Variants in GLIS3 observed in about 807,000 individuals in gnomAD.
GLIS3 encodes zinc finger protein GLIS3.
A neutral mutation model predicts 78.6 loss-of-function variants in GLIS3; 53 were observed. That is an observed-to-expected ratio of 0.67 (90% CI 0.54 to 0.85). The LOEUF (loss-of-function observed/expected upper bound fraction) is 0.85, where lower values mean the gene tolerates loss of function less well. Among genes scored for constraint, GLIS3 ranks in the 40% least tolerant of loss-of-function variants. The probability of loss-of-function intolerance (pLI) is 0.00; values close to 1 mark genes in which losing one functional copy is unlikely to be tolerated. For synonymous variants in GLIS3, 684 were observed against 509.9 expected (o/e 1.34, Z -4.60); for missense variants, 1,703 against 1,231.1 (o/e 1.38, Z -5.74).
At chr9:4,010,262 A>G (rs139379971) in intron 4 of GLIS3, among the ~76,000 whole-genome samples, 1 of 152,314 alleles carries the variant, frequency 6.6e-6, no homozygotes, top group Non-Finnish European at 1.5e-5. Flanking sequence ...CTTACTAGAC[A>G]TATAACCTTG....
chr9:4,369,172 G>C, the GLIS3 span, among the ~76,000 whole-genome samples: 1 of 152,040 alleles, frequency 6.6e-6, no homozygotes. Flanking sequence ...GCCAGACCTT[G>C]AGGTCCTCCC....
intron 4 of GLIS3, among the ~76,000 whole-genome samples, chr9:3,993,937 G>A (rs567019098): frequency 2.6e-5 from 4 of 152,222 alleles, no homozygotes; most frequent in African/African-American, 9.6e-5. Context: ...CTTCCTTTCT[G>A]TTCTAACCCA....
chr9:4,278,559 T>C lies in GLIS3; in HGVS notation c.388+7479A>G, dbSNP rs1227380198. ...TAATTTAAAAAAAATCCATGAGTGA[T>C]TCTGTAGTGATTCACAAAAAGAGAA... On this transcript the variant is annotated intron_variant, in intron 2 of 10. Coordinates refer to ENST00000381971, the MANE Select transcript of GLIS3 (RefSeq NM_001042413.2). Among the ~76,000 whole-genome samples the C allele has an allele frequency of 2.6e-5, 4 of 152,172 alleles. No individual in the cohort carries two copies. In the East Asian group the frequency reaches 5.8e-4, roughly 22 times the overall value.
At chr9:4,133,322 A>T (rs1268221682) in intron 2 of GLIS3, among the ~76,000 whole-genome samples, 1 of 152,220 alleles carries the variant, frequency 6.6e-6, no homozygotes, top group Non-Finnish European at 1.5e-5. Flanking sequence ...CTTATGGAAC[A>T]ATTGTTTTCC....
chr9:4,296,117 T>C (rs1816480828), intron 1 of GLIS3, among the ~76,000 whole-genome samples: 1 of 152,136 alleles, frequency 6.6e-6, no homozygotes, highest in Admixed American at 6.5e-5. Flanking sequence ...ATGAGAAATG[T>C]GCATGTGACG....
intron 4 of GLIS3, among the ~76,000 whole-genome samples, chr9:4,307,557 A>G (rs1048186391): frequency 2.0e-5 from 3 of 152,082 alleles, no homozygotes; most frequent in Non-Finnish European, 2.9e-5. Flanking sequence ...ACAAAAAAAA[A>G]TCCACATCCT....
the GLIS3 span, among the ~76,000 whole-genome samples, chr9:4,473,466 A>AAAAAAAAAAAAAAAAAG: frequency 1.3e-4 from 18 of 135,496 alleles, 5 homozygotes; most frequent in South Asian, 7.4e-4. Context: ...ACAACAAAAA[A>AAAAAAAAAAAAAAAAAG]AAAGGATCAT....
the GLIS3 span, among the ~76,000 whole-genome samples, chr9:4,366,701 G>A: frequency 6.6e-6 from 1 of 152,188 alleles, no homozygotes; most frequent in Non-Finnish European, 1.5e-5. Context: ...TCTTTGTTCT[G>A]AGCTGGCTGG....
intron 4 of GLIS3, among the ~76,000 whole-genome samples, chr9:4,013,087 T>G (rs767236674): frequency 6.6e-6 from 1 of 151,986 alleles, no homozygotes; most frequent in African/African-American, 2.4e-5. Context: ...AGAGCAAAAA[T>G]GTGGTATCCT....
rs899013711 is a variant in GLIS3 at position 4,217,751 on chromosome 9, T to C, written c.388+68287A>G. 8.5e-5 allele frequency among the ~76,000 whole-genome samples: 13 copies of C among 152,212 alleles called. 1 individual carries two copies. In the South Asian group the frequency reaches 2.5e-3, roughly 29 times the overall value. On this transcript the variant is annotated intron_variant, in intron 2 of 10. Coordinates refer to ENST00000381971, the MANE Select transcript of GLIS3 (RefSeq NM_001042413.2). Reference sequence around the variant, plus strand: ...TAAGTAAGCCGTGAGCAAAAATAACTCCTCATTTTCAGGTCACTTTCAGCT... The same window carrying C: ...TAAGTAAGCCGTGAGCAAAAATAACCCCTCATTTTCAGGTCACTTTCAGCT...
chr9:4,216,470 ACT>A, intron 2 of GLIS3, among the ~76,000 whole-genome samples: 1 of 143,454 alleles, frequency 7.0e-6, no homozygotes, highest in Non-Finnish European at 1.5e-5. Context: ...ACAGAGCGAG[ACT>A]CTGTCTCAAA....
intron 2 of GLIS3, among the ~76,000 whole-genome samples, chr9:4,148,723 G>A (rs539051338): frequency 6.6e-6 from 1 of 152,158 alleles, no homozygotes; most frequent in Non-Finnish European, 1.5e-5. Flanking sequence ...CTTTGCACAG[G>A]TAGGTGGAGA....
chr9:4,077,544 C>G (rs796334948), intron 4 of GLIS3, among the ~76,000 whole-genome samples: 3 of 152,322 alleles, frequency 2.0e-5, no homozygotes, highest in African/African-American at 7.2e-5. Context: ...GCTGATTCAA[C>G]AACAGAACAG....
chr9:4,026,860 T>C (rs1157881486), intron 4 of GLIS3, among the ~76,000 whole-genome samples: 8 of 152,196 alleles, frequency 5.3e-5, no homozygotes, highest in Non-Finnish European at 1.2e-4. Context: ...CACAATATCC[T>C]TTCAAGGTCG....
At chr9:4,275,113 A>T (rs1035644238) in intron 2 of GLIS3, among the ~76,000 whole-genome samples, 1 of 152,182 alleles carries the variant, frequency 6.6e-6, no homozygotes, top group African/African-American at 2.4e-5. Context: ...GGGTTTAAAG[A>T]CTTCATATAG....
intron 4 of GLIS3, among the ~76,000 whole-genome samples, chr9:4,029,710 G>C (rs932945445): frequency 6.6e-6 from 1 of 151,786 alleles, no homozygotes; most frequent in Admixed American, 6.6e-5. Context: ...TGTGGCATTT[G>C]TCTTTCTGTG....
chr9:4,320,478 C>T (rs1285510346), intron 2 of GLIS3, among the ~76,000 whole-genome samples: 1 of 152,190 alleles, frequency 6.6e-6, no homozygotes, highest in Non-Finnish European at 1.5e-5. Flanking sequence ...ATCCTTCACA[C>T]CTTTCTCTCT....
intron 2 of GLIS3, among the ~76,000 whole-genome samples, chr9:4,317,354 A>G (rs1344914226): frequency 6.6e-6 from 1 of 152,174 alleles, no homozygotes; most frequent in African/African-American, 2.4e-5. Context: ...TGCCTACCCT[A>G]AAGATTCCGA....
At chr9:4,166,985 CTT>C (rs1815901383) in intron 2 of GLIS3, among the ~76,000 whole-genome samples, 2 of 152,204 alleles carry the variant, frequency 1.3e-5, no homozygotes, top group Non-Finnish European at 1.5e-5. Context: ...CCAAAAATCT[CTT>C]TGAGTGTGAG....
Sources: gnomAD v4.1 joint callset for allele counts (sites outside exome capture counted in the v4.1 genomes callset) on GRCh38, gnomAD v4.1.1 for gene constraint, MANE v1.5 for transcripts, NCBI Gene and HGNC (gene_info 2026-07-23, HGNC 2026-07-21) for gene names.